DOCK1: variants seen among roughly 807,000 people sequenced by gnomAD.
DOCK1 encodes the protein dedicator of cytokinesis protein 1.
DOCK1 carries 138 observed loss-of-function variants against 262.7 expected under a neutral mutation model. The ratio of observed to expected loss-of-function variants is 0.53; its 90% CI spans 0.46 to 0.61. The LOEUF (loss-of-function observed/expected upper bound fraction) is 0.61. Ranked by LOEUF, DOCK1 falls within the 20% of genes least tolerant of loss-of-function variation. The pLI is 0.00. For missense variants in DOCK1, 1,908 were observed against 2,370.7 expected (o/e 0.80, Z 4.05); for synonymous variants, 866 against 867.4 (o/e 1.00, Z 0.03).
chr10:127,008,482 G>A (rs2041194055), intron 10 of DOCK1, among the ~76,000 whole-genome samples: 1 of 152,132 alleles, frequency 6.6e-6, no homozygotes, highest in Non-Finnish European at 1.5e-5. Flanking sequence ...CAGCTCTAGG[G>A]TGACAGTTGG....
At chr10:127,280,798 T>C (rs1357029973) in intron 29 of DOCK1, among the ~76,000 whole-genome samples, 13 of 152,118 alleles carry the variant, frequency 8.5e-5, no homozygotes, top group Admixed American at 8.5e-4. Context: ...TCTTTCTGTC[T>C]TTTTTTTGTT....
intron 18 of DOCK1, among the ~76,000 whole-genome samples, chr10:127,033,517 T>A (rs1422880912): frequency 6.6e-6 from 1 of 152,226 alleles, no homozygotes; most frequent in African/African-American, 2.4e-5. Context: ...GTATCACAGC[T>A]GTGCAGAGTG....
At chr10:126,961,933 A>C (rs953713816) in intron 1 of DOCK1, among the ~76,000 whole-genome samples, 1 of 152,334 alleles carries the variant, frequency 6.6e-6, no homozygotes. Flanking sequence ...GGAGCCCACC[A>C]GTAACTTGCA....
At chr10:127,229,736 G>A (rs758307816) in intron 27 of DOCK1, among the ~76,000 whole-genome samples, 1 of 151,910 alleles carries the variant, frequency 6.6e-6, no homozygotes, top group Admixed American at 6.6e-5. Flanking sequence ...ATTTCCTTTG[G>A]GTATATTCTC....
At chr10:127,401,120 A>G (rs1050716194) in intron 38 of DOCK1, among the ~76,000 whole-genome samples, 5 of 151,414 alleles carry the variant, frequency 3.3e-5, no homozygotes, top group Admixed American at 2.0e-4. Context: ...GACAGCTCTG[A>G]CCCCCTGTGA....
At chr10:127,373,977 A>G (rs1221607129) in intron 34 of DOCK1, 81 bp from the exon 35 acceptor site, 29 of 1,532,448 alleles carry the variant, frequency 1.9e-5, no homozygotes, top group Non-Finnish European at 2.5e-5. Context: ...TGTGTTAATA[A>G]TGGAAAATAG....
chr10:127,176,478 C>T lies in DOCK1; in HGVS notation c.2847+48714C>T. 8.2e-7 allele frequency: 1 copy of T among 1,219,096 alleles called. No individual in the cohort carries two copies. 75.5% of individuals were successfully genotyped at this position (1,219,096 alleles called of 1,614,324 possible). ...AGCACCGGCCGCACAAACTTTTAGC[C>T]ACCACGACGACTGCCTGTTTCCTAA... On this transcript the variant is annotated intron_variant, in intron 27 of 51. Coordinates refer to ENST00000623213, the MANE Select transcript of DOCK1 (RefSeq NM_001290223.2). The surrounding 1 kb of genome is among the most constrained non-coding windows in gnomAD (Gnocchi z 4.4).
At chr10:127,042,908 T>C (rs1037794750) in intron 20 of DOCK1, among the ~76,000 whole-genome samples, 156 bp from the exon 21 acceptor site, 3 of 152,182 alleles carry the variant, frequency 2.0e-5, no homozygotes, top group Non-Finnish European at 4.4e-5. Context: ...TAGGCAAATG[T>C]CATTTCTAGG....
intron 29 of DOCK1, among the ~76,000 whole-genome samples, chr10:127,326,198 A>G (rs554736999): frequency 2.0e-5 from 3 of 152,318 alleles, no homozygotes; most frequent in East Asian, 3.9e-4. Context: ...AAATAAGGCA[A>G]CAGTGAAATT....
At chr10:126,918,188 G>A (rs2032731532) in intron 1 of DOCK1, among the ~76,000 whole-genome samples, 1 of 151,296 alleles carries the variant, frequency 6.6e-6, no homozygotes, top group Non-Finnish European at 1.5e-5. Flanking sequence ...CGTGCAGCGG[G>A]GACTCCACTG....
chr10:126,912,567 A>G (rs570416731), intron 1 of DOCK1, among the ~76,000 whole-genome samples: 1 of 150,988 alleles, frequency 6.6e-6, no homozygotes, highest in Non-Finnish European at 1.5e-5. Context: ...TCTACTAAAA[A>G]TACAAAAAAC....
At chr10:127,080,539 T>A (rs1010795063) in intron 23 of DOCK1, among the ~76,000 whole-genome samples, 1 of 152,028 alleles carries the variant, frequency 6.6e-6, no homozygotes, top group African/African-American at 2.4e-5. Context: ...GCAGAAAATG[T>A]CACGTCGCCT....
At position 127,403,128 on chromosome 10, in the gene DOCK1, A is replaced by G. The variant is rs780218829; in HGVS notation, c.4001A>G (p.Gln1334Arg). Residue 1334 changes from glutamine to arginine, a missense_variant, in exon 39 of 52, where the codon CAA becomes CGA. Coordinates refer to ENST00000623213, the MANE Select transcript of DOCK1 (RefSeq NM_001290223.2). ...GAGAACGAAATGTTTGATTATGAGCAACTCAGCGAATTGCTGGTGAGTCTT... is the reference window on the plus strand; with the variant it reads ...GAGAACGAAATGTTTGATTATGAGCGACTCAGCGAATTGCTGGTGAGTCTT... ...QYENEMFDYE[Q>R]LSELLKKQAQ... 4.5e-5 allele frequency: 72 copies of G among 1,610,476 alleles called. No individual in the cohort carries two copies. Among genetic ancestry groups the G allele is most frequent in the Middle Eastern group, 3.3e-4 (2 of 6,078 alleles).
chr10:127,447,168 G>A (rs1306082971), intron 50 of DOCK1, among the ~76,000 whole-genome samples: 1 of 152,190 alleles, frequency 6.6e-6, no homozygotes, highest in Non-Finnish European at 1.5e-5. Flanking sequence ...TTTAGTGTTC[G>A]TGTGATACTT....
chr10:126,954,986 C>T (rs1487439312), intron 1 of DOCK1, among the ~76,000 whole-genome samples: 8 of 152,214 alleles, frequency 5.3e-5, no homozygotes, highest in Non-Finnish European at 1.2e-4. Flanking sequence ...AACTGCCAAA[C>T]GGTTTTTCCG....
In DOCK1 at chr10:126,928,500, C is replaced by CCATGTGAGGATGGAGGCAGAAGTGGG. The variant is rs2033941770; in HGVS notation, c.46+22937_46+22938insCATGTGAGGATGGAGGCAGAAGTGGG. Among the ~76,000 whole-genome samples the CCATGTGAGGATGGAGGCAGAAGTGGG allele has an allele frequency of 4.5e-4, 68 of 151,524 alleles. 2 individuals are homozygous for CCATGTGAGGATGGAGGCAGAAGTGGG. The highest frequency in any genetic ancestry group is 1.6e-3 in the African/African-American group (64 of 41,024). ...AGAGGAGGGACACATGAGAACTCAG[C>CCATGTGAGGATGGAGGCAGAAGTGGG]TGTGTCCTGAGAGCTGTGTCCTCGG... is the stretch of plus-strand genomic sequence containing the variant. On this transcript the variant is annotated intron_variant, in intron 1 of 51. Transcript: ENST00000623213.
intron 22 of DOCK1, among the ~76,000 whole-genome samples, chr10:127,054,863 T>A (rs775959057): frequency 5.9e-5 from 9 of 152,250 alleles, no homozygotes; most frequent in Non-Finnish European, 1.2e-4. Context: ...ATTCAGAGGT[T>A]TGTACTTAAA....
chr10:127,207,910 T>C (rs2057795900), intron 27 of DOCK1, among the ~76,000 whole-genome samples: 1 of 152,200 alleles, frequency 6.6e-6, no homozygotes, highest in African/African-American at 2.4e-5. Flanking sequence ...TTTGATACCA[T>C]ATGTAGACCC....
At chr10:127,418,653 A>C in intron 45 of DOCK1, 112 bp downstream of exon 45, 139 of 1,323,482 alleles carry the variant, frequency 1.1e-4, no homozygotes, top group Non-Finnish European at 1.3e-4. Flanking sequence ...GAGCAATCTC[A>C]GCAGTGGCCC....
Sources: allele counts gnomAD v4.1 joint callset (sites outside exome capture counted in the v4.1 genomes callset), GRCh38; gene constraint gnomAD v4.1.1; non-coding constraint Gnocchi (gnomAD v3.1); transcripts MANE v1.5; gene names NCBI Gene and HGNC (gene_info 2026-07-23, HGNC 2026-07-21).